Variants in TMC1 observed in about 807,000 individuals in gnomAD.
TMC1 encodes the protein transmembrane channel like 1.
In TMC1, 84 loss-of-function variants were observed where a neutral mutation model predicts 105.8. That is an observed-to-expected ratio of 0.79 (90% CI 0.67 to 0.95). TMC1 has a LOEUF of 0.95. TMC1 is among the 40% of genes least tolerant of loss of function. The pLI, the probability that TMC1 is intolerant of heterozygous loss-of-function variation, is 0.00. For synonymous variants in TMC1, 315 were observed against 311.5 expected (o/e 1.01, Z -0.12); for missense variants, 817 against 914.1 (o/e 0.89, Z 1.37).
At chr9:72,750,593 C>T (rs1177392827) in intron 10 of TMC1, among the ~76,000 whole-genome samples, 1 of 151,710 alleles carries the variant, frequency 6.6e-6, no homozygotes, top group African/African-American at 2.4e-5. Context: ...CTTTACTTTT[C>T]ACTTCTGGGG....
chr9:72,703,047 A>T (rs947969100), intron 8 of TMC1, among the ~76,000 whole-genome samples: 3 of 152,062 alleles, frequency 2.0e-5, no homozygotes, highest in Non-Finnish European at 4.4e-5. Flanking sequence ...GTGGCAATAT[A>T]TACAATACAA....
chr9:72,699,956 C>CAA (rs61062887), intron 7 of TMC1, among the ~76,000 whole-genome samples: 5,922 of 46,058 alleles, frequency 0.13, 669 homozygotes, highest in African/African-American at 0.21. Context: ...GACTCTGTCT[C>CAA]AAAAAAAAAA....
At chr9:72,702,445 G>A (rs1826660724) in intron 8 of TMC1, among the ~76,000 whole-genome samples, 1 of 152,106 alleles carries the variant, frequency 6.6e-6, no homozygotes, top group African/African-American at 2.4e-5. Flanking sequence ...TTATGAAATT[G>A]TACCTTATTG....
chr9:72,786,350 A>G (rs988309067), intron 13 of TMC1, among the ~76,000 whole-genome samples: 2 of 152,198 alleles, frequency 1.3e-5, no homozygotes, highest in African/African-American at 4.8e-5. Context: ...AGGCTGAGGC[A>G]GGAGAATGGC....
chr9:72,556,915 T>G (rs1258126106), intron 1 of TMC1, among the ~76,000 whole-genome samples: 1 of 152,136 alleles, frequency 6.6e-6, no homozygotes, highest in Non-Finnish European at 1.5e-5. Flanking sequence ...TGGGGACATT[T>G]TTGGTTGTCA....
At position 72,793,736 on chromosome 9, in the gene TMC1, C is replaced by T. The variant is rs117781350; in HGVS notation, c.1566+1384C>T. The stretch of plus-strand genomic sequence containing the variant: ...ATAAAACATCTGAGGTGACCAGGGA[C>T]GGATGTGGGGTCCCAATATACTGCA... On this transcript the variant is annotated intron_variant, in intron 17 of 23. Transcript: ENST00000297784. Among the ~76,000 whole-genome samples, 13 of 152,264 alleles carry T rather than the reference C, an allele frequency of 8.5e-5. No individual in the cohort carries two copies. The East Asian group carries it at 1.9e-3, about 23-fold the overall frequency.
chr9:72,796,919 G>C (rs1828380806), intron 17 of TMC1, among the ~76,000 whole-genome samples: 1 of 152,154 alleles, frequency 6.6e-6, no homozygotes, highest in Admixed American at 6.5e-5. Flanking sequence ...AATAGGAAAA[G>C]AGGGAGTCAA....
rs536758203 is a variant in TMC1 at position 72,776,305 on chromosome 9, A to G, written c.884+3750A>G. Among the ~76,000 whole-genome samples the G allele has an allele frequency of 3.5e-4, 53 of 152,070 alleles. No homozygotes were observed. The South Asian group carries it at 0.011, about 31-fold the overall frequency. On this transcript the variant is annotated intron_variant, in intron 13 of 23. Transcript: ENST00000297784. ...CACAAACCAACCTCAACACATGCAGATAAATATTTTTAAATTTGGCAAAAT... is the reference window on the plus strand; with the variant it reads ...CACAAACCAACCTCAACACATGCAGGTAAATATTTTTAAATTTGGCAAAAT...
At chr9:72,789,511 A>G (rs571007984) in intron 15 of TMC1, among the ~76,000 whole-genome samples, 194 bp downstream of exon 15, 1 of 152,212 alleles carries the variant, frequency 6.6e-6, no homozygotes, top group South Asian at 2.1e-4. Context: ...TCTGTTTTTC[A>G]TTTTGTGACA....
chr9:72,641,993 AT>A (rs1825636981), intron 4 of TMC1, among the ~76,000 whole-genome samples: 1 of 151,082 alleles, frequency 6.6e-6, no homozygotes. Context: ...AATTTTTTGT[AT>A]TTTTAGTAGA....
chr9:72,598,241 A>G (rs1824750824), intron 2 of TMC1, among the ~76,000 whole-genome samples: 1 of 152,122 alleles, frequency 6.6e-6, no homozygotes, highest in Admixed American at 6.5e-5. Flanking sequence ...ATCTACTCAC[A>G]TATCCAAAGG....
intron 7 of TMC1, among the ~76,000 whole-genome samples, chr9:72,699,956 CAA>C (rs61062887): frequency 3.5e-3 from 164 of 46,534 alleles, no homozygotes; most frequent in African/African-American, 0.011. Flanking sequence ...GACTCTGTCT[CAA>C]AAAAAAAAAA....
rs1316784376 is a variant in TMC1 at position 72,592,832 on chromosome 9, G to T, written c.-306+14809G>T. On this transcript the variant is annotated intron_variant, in intron 2 of 23. Transcript: ENST00000297784. ...TGTTAAAACTGTGATGAGTTCTCAG[G>T]AAGAGGGAGAAGCAGTTACCTTTGT... Among the ~76,000 whole-genome samples, 3 of 152,310 alleles carry T rather than the reference G, an allele frequency of 2.0e-5. No homozygotes were observed. The Middle Eastern group carries it at 0.01, about 518-fold the overall frequency.
chr9:72,792,478 G>C (rs1348217340), intron 17 of TMC1, 126 bp downstream of exon 17: 22 of 1,124,544 alleles, frequency 2.0e-5, no homozygotes, highest in Non-Finnish European at 2.8e-5. Flanking sequence ...GTTGAATGTT[G>C]ACTGTGTGCT....
intron 8 of TMC1, among the ~76,000 whole-genome samples, chr9:72,706,656 G>A (rs1029778424): frequency 1.3e-5 from 2 of 152,080 alleles, no homozygotes; most frequent in South Asian, 2.1e-4. Context: ...TTCCACTTAC[G>A]AATGAGAACA....
intron 8 of TMC1, among the ~76,000 whole-genome samples, chr9:72,738,725 T>C (rs1193450200): frequency 6.6e-6 from 1 of 152,116 alleles, no homozygotes; most frequent in Non-Finnish European, 1.5e-5. Flanking sequence ...GCCAGACCCT[T>C]CATTTTTAAA....
intron 10 of TMC1, among the ~76,000 whole-genome samples, chr9:72,743,663 G>A (rs983925762): frequency 1.6e-4 from 25 of 151,858 alleles, no homozygotes; most frequent in Non-Finnish European, 2.9e-4. Flanking sequence ...TCATCCAGGA[G>A]CTTGCTATCT....
chr9:72,575,940 A>G (rs531547661), intron 1 of TMC1, among the ~76,000 whole-genome samples: 1 of 152,184 alleles, frequency 6.6e-6, no homozygotes, highest in South Asian at 2.1e-4. Context: ...CTAGGCTCAC[A>G]TGTGTTTTCC....
chr9:72,691,669 T>G (rs1442959047), intron 6 of TMC1, among the ~76,000 whole-genome samples: 1 of 152,196 alleles, frequency 6.6e-6, no homozygotes, highest in Admixed American at 6.5e-5. Flanking sequence ...AAGCAGCATG[T>G]CCTGAGTTCT....
Sources: allele counts gnomAD v4.1 joint callset (sites outside exome capture counted in the v4.1 genomes callset), GRCh38; gene constraint gnomAD v4.1.1; transcripts MANE v1.5; gene names NCBI Gene and HGNC (gene_info 2026-07-23, HGNC 2026-07-21).